The following AATF variants were observed in gnomAD, a reference collection of about 807,000 sequenced individuals.
AATF encodes apoptosis antagonizing transcription factor.
Under a neutral mutation model 63.7 loss-of-function variants are expected in AATF, and 48 were observed. The observed-to-expected ratio is 0.75, with a 90% CI of 0.60 to 0.96. The LOEUF (loss-of-function observed/expected upper bound fraction) is 0.96. AATF is among the 40% of genes least tolerant of loss of function. AATF has a pLI of 0.00. For missense variants in AATF, 639 were observed against 685.7 expected (o/e 0.93, Z 0.76); for synonymous variants, 258 against 247.7 (o/e 1.04, Z -0.39).
intron 10 of AATF, among the ~76,000 whole-genome samples, chr17:37,030,091 G>A (rs1597732925): frequency 6.6e-6 from 1 of 151,580 alleles, no homozygotes; most frequent in African/African-American, 2.4e-5. Flanking sequence ...TTGGTGTGGG[G>A]GTATAGACAG....
intron 8 of AATF, among the ~76,000 whole-genome samples, chr17:36,997,678 G>A (rs188327627): frequency 2.3e-4 from 35 of 152,288 alleles, no homozygotes; most frequent in Non-Finnish European, 3.2e-4. Flanking sequence ...ATTCCTTAAA[G>A]AACTAAAAAT....
chr17:37,016,737 G>A (rs1479808992), intron 8 of AATF, among the ~76,000 whole-genome samples: 3 of 148,688 alleles, frequency 2.0e-5, no homozygotes, highest in Non-Finnish European at 4.5e-5. Context: ...CAACTGTTTT[G>A]AAAGCAATTT....
At chr17:37,029,814 C>T (rs913780666) in intron 10 of AATF, among the ~76,000 whole-genome samples, 1 of 151,806 alleles carries the variant, frequency 6.6e-6, no homozygotes, top group Non-Finnish European at 1.5e-5. Context: ...GATCTGCCCC[C>T]CCTCAGCCTC....
At chr17:37,027,815 G>T (rs1367972492) in intron 10 of AATF, among the ~76,000 whole-genome samples, 1 of 152,070 alleles carries the variant, frequency 6.6e-6, no homozygotes, top group Non-Finnish European at 1.5e-5. Flanking sequence ...CGTGTGGCTA[G>T]TAGCTACTGT....
chr17:36,992,657 A>G (rs1249933221), intron 8 of AATF, among the ~76,000 whole-genome samples: 2 of 151,752 alleles, frequency 1.3e-5, no homozygotes, highest in African/African-American at 4.8e-5. Context: ...TTAAAAAGAA[A>G]TAGCATTACT....
At chr17:37,005,413 C>T (rs2071334406) in intron 8 of AATF, among the ~76,000 whole-genome samples, 1 of 152,036 alleles carries the variant, frequency 6.6e-6, no homozygotes, top group Admixed American at 6.6e-5. Flanking sequence ...TTTATTGATT[C>T]TGGTGGGGCT....
At chr17:36,998,770 A>G (rs901454200) in intron 8 of AATF, 1 of 152,192 alleles carries the variant, frequency 6.6e-6, no homozygotes, top group Non-Finnish European at 1.5e-5. Context: ...AGTTTTATAA[A>G]GGCTAGTAAG....
intron 2 of AATF, among the ~76,000 whole-genome samples, chr17:36,952,683 G>C (rs1232131071): frequency 6.6e-6 from 1 of 152,202 alleles, no homozygotes; most frequent in East Asian, 1.9e-4. Flanking sequence ...CCTTTTGTTA[G>C]GGTAGGACCC....
intron 8 of AATF, among the ~76,000 whole-genome samples, chr17:37,002,196 C>T (rs1235336739): frequency 6.4e-5 from 8 of 125,078 alleles, no homozygotes; most frequent in East Asian, 2.2e-4. Context: ...AGGGAGACTC[C>T]GTCTCAAAAA....
chr17:36,949,738 A>T (rs1345275090), intron 1 of AATF, among the ~76,000 whole-genome samples: 1 of 152,254 alleles, frequency 6.6e-6, no homozygotes, highest in African/African-American at 2.4e-5. Flanking sequence ...TTCAGAGTCT[A>T]GCTGGGAGTA....
intron 9 of AATF, among the ~76,000 whole-genome samples, chr17:37,020,073 CTTCT>C (rs1446446690): frequency 1.3e-5 from 2 of 151,920 alleles, no homozygotes; most frequent in African/African-American, 4.8e-5. Flanking sequence ...GCTGTTTCTC[CTTCT>C]TTTTCTTTTT....
intron 2 of AATF, among the ~76,000 whole-genome samples, chr17:36,951,089 G>A (rs955805910): frequency 3.3e-5 from 5 of 152,172 alleles, no homozygotes; most frequent in Non-Finnish European, 1.5e-5. Flanking sequence ...GAGTCTGTGC[G>A]CTTATAGTTT....
chr17:37,042,305 AT>A (rs1041258579), intron 11 of AATF, among the ~76,000 whole-genome samples: 2 of 151,064 alleles, frequency 1.3e-5, no homozygotes, highest in African/African-American at 2.4e-5. Flanking sequence ...TTTCATCTGA[AT>A]TTTTTTTCTT....
chr17:37,019,206 G>T (rs977049991), intron 9 of AATF, 134 bp downstream of exon 9: 4 of 712,158 alleles, frequency 5.6e-6, no homozygotes, highest in Non-Finnish European at 2.4e-6. Context: ...GAGCTAGAAA[G>T]AAAATGTGAC....
intron 11 of AATF, among the ~76,000 whole-genome samples, chr17:37,053,829 G>C (rs1001635018): frequency 5.3e-5 from 8 of 152,072 alleles, no homozygotes; most frequent in Non-Finnish European, 1.2e-4. Flanking sequence ...TTGCGCCACT[G>C]CACTCCAGCC....
chr17:37,014,291 AT>A (rs201187070), intron 8 of AATF, among the ~76,000 whole-genome samples: 1 of 147,940 alleles, frequency 6.8e-6, no homozygotes, highest in Admixed American at 6.9e-5. Flanking sequence ...AATAATAATA[AT>A]AATAATAATA....
chr17:36,965,723 A>G (rs2070986190), intron 4 of AATF, among the ~76,000 whole-genome samples: 2 of 151,952 alleles, frequency 1.3e-5, no homozygotes, highest in South Asian at 2.1e-4. Context: ...TTTTATTGAG[A>G]GAGGGCCTTC....
intron 8 of AATF, among the ~76,000 whole-genome samples, chr17:37,013,293 T>C (rs1048786346): frequency 9.2e-5 from 14 of 152,238 alleles, no homozygotes; most frequent in African/African-American, 3.4e-4. Context: ...CTAGTATGGC[T>C]GTCAGTCAGT....
At chr17:37,049,604 C>CAAA (rs773061471) in intron 11 of AATF, among the ~76,000 whole-genome samples, 1 of 63,144 alleles carries the variant, frequency 1.6e-5, no homozygotes, top group Non-Finnish European at 3.4e-5. Flanking sequence ...GACTCCGTCT[C>CAAA]AAAAAAAAAA....
Sources: allele counts gnomAD v4.1 joint callset (sites outside exome capture counted in the v4.1 genomes callset), GRCh38; gene constraint gnomAD v4.1.1; transcripts MANE v1.5; gene names NCBI Gene and HGNC (gene_info 2026-07-23, HGNC 2026-07-21).